The following SLC6A20 variants were observed in gnomAD, a reference collection of about 807,000 sequenced individuals.
The protein encoded by SLC6A20 is solute carrier family 6 member 20.
In SLC6A20, 73 loss-of-function variants were observed where a neutral mutation model predicts 64.3. The ratio of observed to expected loss-of-function variants is 1.14; its 90% CI spans 0.94 to 1.38. The LOEUF is 1.38. Among genes scored for constraint, SLC6A20 ranks in the 40% most tolerant of loss-of-function variants. The pLI, the probability that SLC6A20 is intolerant of heterozygous loss-of-function variation, is 0.00. For missense variants in SLC6A20, 725 were observed against 772.8 expected (o/e 0.94, Z 0.73); for synonymous variants, 347 against 329.6 (o/e 1.05, Z -0.57).
chr3:45,764,693 C>CT (rs1699744067), intron 8 of SLC6A20, among the ~76,000 whole-genome samples: 1 of 132,330 alleles, frequency 7.6e-6, no homozygotes, highest in African/African-American at 2.9e-5. Flanking sequence ...CAGAGTGAGA[C>CT]TGTTTCTTTA....
At chr3:45,780,335 A>G (rs1035240475) in intron 2 of SLC6A20, among the ~76,000 whole-genome samples, 1 of 152,186 alleles carries the variant, frequency 6.6e-6, no homozygotes, top group East Asian at 1.9e-4. Context: ...GAGGCTGATG[A>G]CATGTTTTTG....
chr3:45,764,386 T>C (rs750028017), intron 8 of SLC6A20, among the ~76,000 whole-genome samples: 20 of 152,118 alleles, frequency 1.3e-4, no homozygotes, highest in East Asian at 3.9e-4. Flanking sequence ...GTGTGTACAA[T>C]AGGACTTCGT....
rs1002221355 is a variant in SLC6A20, at chr3:45,758,812, G to A, written c.*166C>T. On this transcript the variant is annotated 3_prime_UTR_variant, in exon 11 of 11. Coordinates refer to ENST00000358525, the MANE Select transcript of SLC6A20 (RefSeq NM_020208.4). ...GAACAGCCACCACGGGAGGGTGTGCGTTCTCCCAAGGGAGTTTTCTTCCTG... is the reference window on the plus strand; with the variant it reads ...GAACAGCCACCACGGGAGGGTGTGCATTCTCCCAAGGGAGTTTTCTTCCTG... 2.4e-5 allele frequency: 33 copies of A among 1,355,836 alleles called. No individual in the cohort carries two copies. Among genetic ancestry groups the A allele is most frequent in the Middle Eastern group, 2.5e-4 (1 of 4,036 alleles). The allele number at this position is 1,355,836 out of a possible 1,614,324, so 84.0% of individuals were successfully genotyped here.
intron 3 of SLC6A20, among the ~76,000 whole-genome samples, chr3:45,777,274 G>C (rs947032480): frequency 6.6e-6 from 1 of 152,168 alleles, no homozygotes; most frequent in South Asian, 2.1e-4. Context: ...TGCACACCCA[G>C]ACAGTGCTCA....
intron 1 of SLC6A20, among the ~76,000 whole-genome samples, chr3:45,789,162 T>A (rs1290329696): frequency 1.3e-5 from 2 of 152,168 alleles, no homozygotes; most frequent in Non-Finnish European, 2.9e-5. Flanking sequence ...CAGATGACAT[T>A]TCATTCTTGA....
chr3:45,782,492 CCATT>C (rs1700110484), intron 1 of SLC6A20, among the ~76,000 whole-genome samples: 1 of 152,108 alleles, frequency 6.6e-6, no homozygotes, highest in Admixed American at 6.5e-5. Context: ...ATCCAACCAT[CCATT>C]CATCCATCCG....
At chr3:45,770,502 A>G in intron 6 of SLC6A20, 131 bp from the exon 7 acceptor site, 1 of 1,165,132 alleles carries the variant, frequency 8.6e-7, no homozygotes, top group Non-Finnish European at 1.2e-6. Flanking sequence ...TTTAAAGGGC[A>G]GGGTAATTTT....
chr3:45,769,485 C>A, intron 7 of SLC6A20, among the ~76,000 whole-genome samples: 1 of 150,530 alleles, frequency 6.6e-6, no homozygotes, highest in South Asian at 2.1e-4. Context: ...AAAAAAAAAC[C>A]CTCCAAATGT....
rs1262358321 is a variant in SLC6A20 at position 45,780,018 on chromosome 3, G to T, written c.345C>A (p.His115Gln). ...GGGCCCCCCGGCTCACCTGGAAGGA[G>T]TGGAAGAGGTACCAGAAGGCCCAGG... ...INAWAFWYLF[H>Q]SFQDPLPWSV... is the part of the protein sequence containing the mutation. The change falls in exon 3 of 11, where the codon CAC becomes CAA. Residue 115 changes from histidine to glutamine, a missense_variant. By Grantham distance (24) the His-to-Gln change is conservative (BLOSUM62 0). Transcript: ENST00000358525. 6.2e-7 allele frequency: 1 copy of T among 1,602,314 alleles called. No homozygotes were observed. The highest frequency in any genetic ancestry group is 1.7e-5 in the Admixed American group (1 of 58,648).
At chr3:45,768,113 G>A (rs1474392240) in intron 7 of SLC6A20, among the ~76,000 whole-genome samples, 1 of 152,160 alleles carries the variant, frequency 6.6e-6, no homozygotes, top group African/African-American at 2.4e-5. Flanking sequence ...CAATGTATGG[G>A]GTTAAGGAGA....
intron 1 of SLC6A20, among the ~76,000 whole-genome samples, chr3:45,784,216 C>T (rs1470423504): frequency 6.6e-6 from 1 of 152,166 alleles, no homozygotes; most frequent in Non-Finnish European, 1.5e-5. Flanking sequence ...CCTGACCCAA[C>T]CTATCAAATA....
chr3:45,778,096 G>A (rs1388711848), intron 3 of SLC6A20, among the ~76,000 whole-genome samples: 1 of 152,198 alleles, frequency 6.6e-6, no homozygotes, highest in Admixed American at 6.5e-5. Flanking sequence ...CAGCAGGTGA[G>A]GACAAGGATC....
At chr3:45,771,733 A>C in intron 5 of SLC6A20, 4 of 535,260 alleles carry the variant, frequency 7.5e-6, no homozygotes, top group Non-Finnish European at 1.0e-5. Context: ...CCTCCATAGC[A>C]CCTCAGCCAT....
chr3:45,772,618 G>C lies in SLC6A20; in HGVS notation c.583-3C>G, dbSNP rs751050900. Reference sequence around the variant, plus strand: ...AGTGACGCCGTGAAATACACCACCTGCGGGCATCAGAGGGCAGAGTTGGCC... The same window carrying C: ...AGTGACGCCGTGAAATACACCACCTCCGGGCATCAGAGGGCAGAGTTGGCC... On this transcript the variant is annotated splice_region_variant and splice_polypyrimidine_tract_variant and intron_variant, in intron 4 of 10. Transcript: ENST00000358525. 1 of 1,612,088 alleles carries C rather than the reference G, an allele frequency of 6.2e-7. No individual in the cohort carries two copies. Among genetic ancestry groups the C allele is most frequent in the East Asian group, 2.2e-5 (1 of 44,846 alleles).
chr3:45,771,206 C>A lies in SLC6A20; in HGVS notation c.935+11G>T. 1 of 1,614,086 alleles carries A rather than the reference C, an allele frequency of 6.2e-7. No individual in the cohort carries two copies. Among genetic ancestry groups the A allele is most frequent in the Non-Finnish European group, 8.5e-7 (1 of 1,180,008 alleles). On this transcript the variant is annotated intron_variant, in intron 6 of 10. Transcript: ENST00000358525. The stretch of plus-strand genomic sequence containing the variant: ...GGAGGCCTGGGACTCGGTGGGACAG[C>A]CCAGGCTTACTTCTTCAAGCAGTTT...
Position 45,780,196 on chromosome 3 carries a change from G to T in SLC6A20, c.263-96C>A. The stretch of plus-strand genomic sequence containing the variant: ...CTCCCAGGACACACCTGTGGCGACC[G>T]CCCCGGGGTGGGCGAGGCCTCCCTC... On this transcript the variant is annotated intron_variant, in intron 2 of 10. Transcript: ENST00000358525. The T allele has an allele frequency of 5.7e-6, 7 of 1,218,602 alleles. No homozygotes were observed. In the South Asian group the frequency reaches 9.7e-5, roughly 17 times the overall value. 75.5% of individuals were successfully genotyped at this position (1,218,602 alleles called of 1,614,324 possible).
Position 45,792,391 on chromosome 3 carries a change from G to T in SLC6A20, c.121+3908C>A, listed in dbSNP as rs562198074. On this transcript the variant is annotated intron_variant, in intron 1 of 10. Coordinates refer to ENST00000358525, the MANE Select transcript of SLC6A20 (RefSeq NM_020208.4). The stretch of plus-strand genomic sequence containing the variant: ...ACTTGTTTCCTATCTGTAAATGGGG[G>T]TGACAGGACCAACTGTGGGCATGTT... Among the ~76,000 whole-genome samples, 65 of 152,294 alleles carry T rather than the reference G, an allele frequency of 4.3e-4. 4 individuals carry two copies. In the South Asian group the frequency reaches 0.013, roughly 30 times the overall value.
chr3:45,758,970 C>T lies in SLC6A20; in HGVS notation c.*8G>A. The stretch of plus-strand genomic sequence containing the variant: ...TGTAAAACCGTGAGCGGCTGGGAAG[C>T]CCACATCTCAGGCCACGGGGTCTGC... On this transcript the variant is annotated 3_prime_UTR_variant, in exon 11 of 11. Coordinates refer to ENST00000358525, the MANE Select transcript of SLC6A20 (RefSeq NM_020208.4). 6.3e-7 allele frequency: 1 copy of T among 1,592,298 alleles called. No individual in the cohort carries two copies. The highest frequency in any genetic ancestry group is 2.2e-5 in the East Asian group (1 of 44,504).
At chr3:45,776,334 C>T (rs1479290705) in intron 3 of SLC6A20, among the ~76,000 whole-genome samples, 1 of 152,170 alleles carries the variant, frequency 6.6e-6, no homozygotes, top group East Asian at 1.9e-4. Flanking sequence ...GGCCTGTGCA[C>T]AATCAGCTCA....
Sources: gnomAD v4.1 joint callset for allele counts (sites outside exome capture counted in the v4.1 genomes callset) on GRCh38, gnomAD v4.1.1 for gene constraint, MANE v1.5 for transcripts, NCBI Gene and HGNC (gene_info 2026-07-23, HGNC 2026-07-21) for gene names.